SMURF2: variants seen among roughly 807,000 people sequenced by gnomAD.
SMURF2 encodes E3 ubiquitin-protein ligase SMURF2.
SMURF2 carries 48 observed loss-of-function variants against 109.6 expected under a neutral mutation model. That is an observed-to-expected ratio of 0.44 (90% CI 0.35 to 0.56). The LOEUF is 0.56. Ranked by LOEUF, SMURF2 falls within the 20% of genes least tolerant of loss-of-function variation. SMURF2 has a pLI of 0.01. For missense variants in SMURF2, 575 were observed against 909.0 expected (o/e 0.63, Z 4.72); for synonymous variants, 288 against 317.1 (o/e 0.91, Z 0.97).
At chr17:64,651,984 C>T (rs1379591613) in intron 1 of SMURF2, among the ~76,000 whole-genome samples, 1 of 152,166 alleles carries the variant, frequency 6.6e-6, no homozygotes, top group Admixed American at 6.6e-5. Flanking sequence ...CCAATCACCT[C>T]CTTTCTTTTC....
intron 3 of SMURF2, among the ~76,000 whole-genome samples, chr17:64,597,394 T>C (rs781898486): frequency 6.6e-6 from 1 of 151,902 alleles, no homozygotes; most frequent in Non-Finnish European, 1.5e-5. Context: ...GCCTGAGCAA[T>C]AGAGTGAGAC....
At chr17:64,639,850 T>C (rs1173320822) in intron 1 of SMURF2, among the ~76,000 whole-genome samples, 1 of 152,094 alleles carries the variant, frequency 6.6e-6, no homozygotes, top group Non-Finnish European at 1.5e-5. Context: ...ACACACACAA[T>C]CCCTGCCCTG....
At chr17:64,593,335 T>A in intron 4 of SMURF2, 105 bp downstream of exon 4, 2 of 911,008 alleles carry the variant, frequency 2.2e-6, no homozygotes, top group East Asian at 7.0e-5. Flanking sequence ...TAAATATATA[T>A]TTGAGGATAC....
intron 1 of SMURF2, among the ~76,000 whole-genome samples, chr17:64,609,473 C>A (rs577042013): frequency 6.6e-6 from 1 of 152,260 alleles, no homozygotes. Context: ...CACCACACAT[C>A]TACAACCATC....
intron 2 of SMURF2, among the ~76,000 whole-genome samples, chr17:64,601,812 TCAA>T (rs1325322855): frequency 1.3e-5 from 2 of 151,502 alleles, no homozygotes; most frequent in Non-Finnish European, 2.9e-5. Context: ...CACCTATCAA[TCAA>T]CGAGTGGGTA....
intron 15 of SMURF2, among the ~76,000 whole-genome samples, chr17:64,554,070 A>G (rs1555683831): frequency 1.3e-5 from 2 of 152,226 alleles, no homozygotes; most frequent in African/African-American, 4.8e-5. Context: ...GAAATCTGAA[A>G]AACATTTATT....
chr17:64,596,163 G>T (rs1477072704), intron 3 of SMURF2, among the ~76,000 whole-genome samples: 3 of 151,672 alleles, frequency 2.0e-5, no homozygotes, highest in Non-Finnish European at 4.4e-5. Context: ...AAGTATTTTT[G>T]ATATACTGAA....
In SMURF2 at chr17:64,545,851, T is replaced by C. The variant is rs1968946791; in HGVS notation, c.2244A>G (p.Glu748=). The C allele has an allele frequency of 1.3e-6, 2 of 1,592,732 alleles. No homozygotes were observed. The highest frequency in any genetic ancestry group is 1.7e-6 in the Non-Finnish European group (2 of 1,160,846). Residue 748 remains glutamate, a synonymous_variant, in exon 19 of 19, where the codon GAA becomes GAG. Coordinates refer to ENST00000262435, the MANE Select transcript of SMURF2 (RefSeq NM_022739.4). ...AIEETCGFAV[E] is the part of the protein sequence containing the mutation. ...CTGGGTAAATCCTTGAAGCTTGTCA[T>C]TCCACAGCAAATCCACATGTTTCTT...
Position 64,662,257 on chromosome 17 carries a change from G to T in SMURF2, c.-377C>A. On this transcript the variant is annotated 5_prime_UTR_variant, in exon 1 of 19. Transcript: ENST00000262435. ...GAAGCGGGCGGTGCTCGGGGGCGCC[G>T]GAGCAGAACTCTGGGCTCGGCCGCT... 1 of 983,362 alleles carries T rather than the reference G, an allele frequency of 1.0e-6. No homozygotes were observed. The highest frequency in any genetic ancestry group is 1.2e-6 in the Non-Finnish European group (1 of 829,162). The allele number at this position is 983,362 out of a possible 1,614,324, so 60.9% of individuals were successfully genotyped here. A position where few individuals can be genotyped will look rare whatever the true frequency, so the allele number is the denominator to read the frequency against.
chr17:64,661,448 A>T (rs1970774155), intron 1 of SMURF2, among the ~76,000 whole-genome samples: 1 of 152,086 alleles, frequency 6.6e-6, no homozygotes, highest in Admixed American at 6.5e-5. Context: ...ACCGGATTCA[A>T]TAATCCTCGC....
intron 10 of SMURF2, among the ~76,000 whole-genome samples, chr17:64,565,735 G>T (rs1969291610): frequency 6.6e-6 from 1 of 152,000 alleles, no homozygotes; most frequent in Non-Finnish European, 1.5e-5. Context: ...ATGAGAAAGA[G>T]GTAGCCCAGG....
chr17:64,644,842 A>G (rs538570855), intron 1 of SMURF2, among the ~76,000 whole-genome samples: 177 of 151,598 alleles, frequency 1.2e-3, no homozygotes, highest in Non-Finnish European at 1.9e-3. Flanking sequence ...TCTACTAAAA[A>G]TATACATATA....
intron 11 of SMURF2, 27 bp downstream of exon 11, chr17:64,562,744 A>G: frequency 1.3e-6 from 2 of 1,598,374 alleles, no homozygotes; most frequent in East Asian, 2.2e-5. Flanking sequence ...AAAAAATAGT[A>G]AAACAAAATA....
intron 1 of SMURF2, among the ~76,000 whole-genome samples, chr17:64,644,183 T>A (rs542359921): frequency 1.3e-5 from 2 of 152,088 alleles, no homozygotes; most frequent in African/African-American, 4.8e-5. Context: ...TTTTGCAGTT[T>A]TTGTAGAGAC....
At chr17:64,623,324 C>T (rs2144698313) in intron 1 of SMURF2, among the ~76,000 whole-genome samples, 1 of 152,130 alleles carries the variant, frequency 6.6e-6, no homozygotes, top group East Asian at 1.9e-4. Flanking sequence ...CACTGTATAC[C>T]CAGAGTCTAG....
At chr17:64,549,233 A>G (rs1969002612) in intron 16 of SMURF2, among the ~76,000 whole-genome samples, 1 of 140,222 alleles carries the variant, frequency 7.1e-6, no homozygotes, top group African/African-American at 2.7e-5. Context: ...AGATCCCATC[A>G]GCCTGGGGGA....
At chr17:64,595,693 A>T (rs1173954383) in intron 3 of SMURF2, among the ~76,000 whole-genome samples, 1 of 152,242 alleles carries the variant, frequency 6.6e-6, no homozygotes, top group African/African-American at 2.4e-5. Context: ...GGAAACAATC[A>T]TAAGAGATGC....
At chr17:64,580,559 A>G (rs1969564650) in intron 8 of SMURF2, among the ~76,000 whole-genome samples, 1 of 152,210 alleles carries the variant, frequency 6.6e-6, no homozygotes, top group African/African-American at 2.4e-5. Flanking sequence ...ATCTCACTTC[A>G]TTATAGAAGA....
At chr17:64,599,795 G>A (rs8068451) in intron 2 of SMURF2, among the ~76,000 whole-genome samples, 21,873 of 152,180 alleles carry the variant, frequency 0.14, 2,496 homozygotes, top group African/African-American at 0.31. Flanking sequence ...TCCCTGTGCC[G>A]AAGGTTGGGG....
Sources: allele counts gnomAD v4.1 joint callset (sites outside exome capture counted in the v4.1 genomes callset), GRCh38; gene constraint gnomAD v4.1.1; transcripts MANE v1.5; gene names NCBI Gene and HGNC (gene_info 2026-07-23, HGNC 2026-07-21).